The following AFG2A variants were observed in gnomAD, a reference collection of about 807,000 sequenced individuals.
AFG2A encodes ATPase family gene 2 protein homolog A.
At chr4:122,946,821 A>G in the AFG2A span, among the ~76,000 whole-genome samples, 1 of 152,194 alleles carries the variant, frequency 6.6e-6, no homozygotes, top group Admixed American at 6.5e-5. Flanking sequence ...CTATTTGAGT[A>G]TTATATGTGT....
chr4:123,134,251 G>C, the AFG2A span, among the ~76,000 whole-genome samples: 1 of 152,086 alleles, frequency 6.6e-6, no homozygotes, highest in South Asian at 2.1e-4. Flanking sequence ...TTCTGCTTAA[G>C]TCTTCAATTT....
At chr4:123,172,182 C>A in the AFG2A span, among the ~76,000 whole-genome samples, 2 of 152,124 alleles carry the variant, frequency 1.3e-5, no homozygotes, top group African/African-American at 2.4e-5. Flanking sequence ...CACTGTGTAG[C>A]AGAACTACCC....
chr4:123,204,737 A>G, the AFG2A span, among the ~76,000 whole-genome samples: 1 of 152,220 alleles, frequency 6.6e-6, no homozygotes, highest in Admixed American at 6.5e-5. Flanking sequence ...TAAAGAAAAC[A>G]TTCATATGAG....
At chr4:123,160,654 C>T in the AFG2A span, among the ~76,000 whole-genome samples, 10 of 112,222 alleles carry the variant, frequency 8.9e-5, no homozygotes, top group Non-Finnish European at 4.1e-5. Flanking sequence ...GACCTTCCGA[C>T]CACCTCCAGC....
the AFG2A span, chr4:122,934,816 C>A: frequency 6.8e-7 from 1 of 1,469,190 alleles, no homozygotes. Flanking sequence ...GTAATGATTG[C>A]TCATCCTCTT....
chr4:123,001,824 T>G, the AFG2A span, among the ~76,000 whole-genome samples: 1 of 151,362 alleles, frequency 6.6e-6, no homozygotes, highest in Non-Finnish European at 1.5e-5. Context: ...TTAGGTCTGC[T>G]TGGTGCAGAG....
the AFG2A span, among the ~76,000 whole-genome samples, chr4:123,154,036 C>T: frequency 4.4e-4 from 67 of 152,096 alleles, no homozygotes; most frequent in African/African-American, 1.4e-3. Context: ...ACAAAATTAT[C>T]GGACAAATTA....
the AFG2A span, among the ~76,000 whole-genome samples, chr4:123,096,106 T>A: frequency 6.6e-6 from 1 of 152,122 alleles, no homozygotes; most frequent in South Asian, 2.1e-4. Context: ...CATGTCAGAC[T>A]CATTTGCTGT....
chr4:123,050,730 T>C, the AFG2A span, among the ~76,000 whole-genome samples: 1,159 of 151,852 alleles, frequency 7.6e-3, 4 homozygotes, highest in Middle Eastern at 0.044. Flanking sequence ...AGGCAGCATA[T>C]AGTTGTGTCT....
chr4:123,018,999 A>G, the AFG2A span, among the ~76,000 whole-genome samples: 2 of 152,142 alleles, frequency 1.3e-5, no homozygotes, highest in Non-Finnish European at 2.9e-5. Context: ...AAAAAAATGA[A>G]GATAATTTAA....
chr4:123,218,634 AAC>A, the AFG2A span, among the ~76,000 whole-genome samples: 2 of 135,704 alleles, frequency 1.5e-5, no homozygotes, highest in East Asian at 4.4e-4. Flanking sequence ...GTTTTACATA[AAC>A]ACATATACAT....
chr4:123,066,086 G>A, the AFG2A span, among the ~76,000 whole-genome samples: 1 of 152,038 alleles, frequency 6.6e-6, no homozygotes. Context: ...TCCAGAATTG[G>A]TTTCCACTTA....
the AFG2A span, among the ~76,000 whole-genome samples, chr4:123,215,205 C>T: frequency 6.6e-6 from 1 of 151,942 alleles, no homozygotes; most frequent in Non-Finnish European, 1.5e-5. Flanking sequence ...TTTTTAAACC[C>T]AGTCTAGAGC....
chr4:123,318,983 G>A, the AFG2A span: 3 of 152,150 alleles, frequency 2.0e-5, no homozygotes, highest in Admixed American at 1.3e-4. Flanking sequence ...ACATTGACAT[G>A]TCTTTTTAGT....
At chr4:123,086,314 G>T in the AFG2A span, among the ~76,000 whole-genome samples, 8 of 151,996 alleles carry the variant, frequency 5.3e-5, no homozygotes, top group Middle Eastern at 3.2e-3. Context: ...ACATTGGTGG[G>T]TTTTTTTCTC....
At chr4:123,180,593 G>A in the AFG2A span, among the ~76,000 whole-genome samples, 5 of 152,054 alleles carry the variant, frequency 3.3e-5, no homozygotes, top group Non-Finnish European at 7.4e-5. Flanking sequence ...GCACATTGTA[G>A]ACAAATATTA....
At chr4:122,941,580 CAG>C in the AFG2A span, among the ~76,000 whole-genome samples, 1 of 152,230 alleles carries the variant, frequency 6.6e-6, no homozygotes, top group Admixed American at 6.5e-5. Context: ...TGTCTGCAAA[CAG>C]GGACAATTTG....
chr4:122,950,169 G>A, the AFG2A span, among the ~76,000 whole-genome samples: 3 of 152,140 alleles, frequency 2.0e-5, no homozygotes, highest in African/African-American at 4.8e-5. Context: ...GGTAAGCAGC[G>A]TGTCCACAGA....
chr4:122,959,697 G>T, the AFG2A span, among the ~76,000 whole-genome samples: 7 of 152,184 alleles, frequency 4.6e-5, no homozygotes, highest in Non-Finnish European at 1.0e-4. Flanking sequence ...TGTAGGATAT[G>T]AATACAAAAC....
Sources: gnomAD v4.1 joint callset for allele counts (sites outside exome capture counted in the v4.1 genomes callset) on GRCh38, gnomAD v4.1.1 for gene constraint, MANE v1.5 for transcripts, NCBI Gene and HGNC (gene_info 2026-07-23, HGNC 2026-07-21) for gene names.